Variants in ELAVL2 observed in about 807,000 individuals in gnomAD.
The protein encoded by ELAVL2 is ELAV like RNA binding protein 2, also known as ELAV-like protein 2.
ELAVL2 carries 4 observed loss-of-function variants against 34.6 expected under a neutral mutation model. That is an observed-to-expected ratio of 0.12 (90% CI 0.06 to 0.26). ELAVL2 has a LOEUF of 0.26. Ranked by LOEUF, ELAVL2 falls within the 10% of genes least tolerant of loss-of-function variation. The probability of loss-of-function intolerance (pLI) is 1.00; values close to 1 mark genes in which losing one functional copy is unlikely to be tolerated. For missense variants in ELAVL2, 432 were observed against 442.8 expected (o/e 0.98, Z 0.22); for synonymous variants, 193 against 154.8 (o/e 1.25, Z -1.83).
chr9:23,818,369 T>C (rs2064024645), intron 1 of ELAVL2, among the ~76,000 whole-genome samples: 1 of 152,194 alleles, frequency 6.6e-6, no homozygotes. Context: ...GGTAACCTTG[T>C]CCAAAAATTC....
At chr9:23,703,376 C>T (rs1012279934) in intron 4 of ELAVL2, among the ~76,000 whole-genome samples, 1 of 152,134 alleles carries the variant, frequency 6.6e-6, no homozygotes, top group Non-Finnish European at 1.5e-5. Flanking sequence ...CATTATTAGT[C>T]TATGTGATAA....
At position 23,699,812 on chromosome 9, in the gene ELAVL2, G is replaced by GTTTTTTTTTT. The variant is rs199637833; in HGVS notation, c.713+1557_713+1566dup. On this transcript the variant is annotated intron_variant, in intron 5 of 6. Transcript: ENST00000397312. Reference sequence around the variant, plus strand: ...CCATGGGAAGTCAAAGGTGGCAAAGGTTTTTTTTTTTTTTTTTTTTTTTTT... The same window carrying GTTTTTTTTTT: ...CCATGGGAAGTCAAAGGTGGCAAAGGTTTTTTTTTTTTTTTTTTTTTTTTTTTTTTTTTTT... Among the ~76,000 whole-genome samples the GTTTTTTTTTT allele has an allele frequency of 6.7e-4, 56 of 82,974 alleles. 4 individuals carry two copies. The highest frequency in any genetic ancestry group is 2.2e-3 in the East Asian group (5 of 2,232). The allele number at this position is 82,974 out of a possible 152,430, so 54.4% of individuals were successfully genotyped here.
At chr9:23,814,802 AT>A (rs2063490319) in intron 1 of ELAVL2, among the ~76,000 whole-genome samples, 1 of 152,216 alleles carries the variant, frequency 6.6e-6, no homozygotes, top group Admixed American at 6.5e-5. Flanking sequence ...CAATATCAGT[AT>A]AACAAGAAAT....
At chr9:23,799,328 C>T (rs2061323491) in intron 1 of ELAVL2, among the ~76,000 whole-genome samples, 1 of 152,210 alleles carries the variant, frequency 6.6e-6, no homozygotes, top group Non-Finnish European at 1.5e-5. Flanking sequence ...GCAATCCTAT[C>T]TGTTACCTTG....
intron 2 of ELAVL2, among the ~76,000 whole-genome samples, chr9:23,757,257 TCTGTAAA>T (rs1369328495): frequency 2.6e-5 from 4 of 152,148 alleles, no homozygotes; most frequent in African/African-American, 9.6e-5. Flanking sequence ...TCTGGATAAC[TCTGTAAA>T]AATCACACAT....
At chr9:23,807,256 T>C (rs1048579575) in intron 1 of ELAVL2, among the ~76,000 whole-genome samples, 2 of 152,168 alleles carry the variant, frequency 1.3e-5, no homozygotes, top group Non-Finnish European at 2.9e-5. Flanking sequence ...TTGCCATGCA[T>C]TCACTGTACT....
At chr9:23,789,582 T>A (rs113327215) in intron 1 of ELAVL2, among the ~76,000 whole-genome samples, 1 of 152,306 alleles carries the variant, frequency 6.6e-6, no homozygotes, top group South Asian at 2.1e-4. Flanking sequence ...CAACTTCCTA[T>A]TCAACTTTCA....
chr9:23,729,438 CTTA>C (rs1347915526), intron 3 of ELAVL2, among the ~76,000 whole-genome samples: 2 of 152,074 alleles, frequency 1.3e-5, no homozygotes, highest in African/African-American at 2.4e-5. Flanking sequence ...TTAAAGAACA[CTTA>C]TTGTTACTTA....
chr9:23,797,521 G>A (rs973786780), intron 1 of ELAVL2, among the ~76,000 whole-genome samples: 3 of 152,228 alleles, frequency 2.0e-5, no homozygotes, highest in South Asian at 2.1e-4. Context: ...AGCAGGAGGG[G>A]CATGGGTGGT....
At chr9:23,696,449 T>G (rs2132859522) in intron 5 of ELAVL2, among the ~76,000 whole-genome samples, 1 of 152,300 alleles carries the variant, frequency 6.6e-6, no homozygotes, top group South Asian at 2.1e-4. Flanking sequence ...GTCTGTCCAC[T>G]GCTCAAGGAC....
In ELAVL2 at chr9:23,759,507, T is replaced by A. The variant is rs77103643; in HGVS notation, c.229+2499A>T. ...TATTCCACAGAAGGGTGACTATGGTTAGCAATATTGTATAGTATACTTCCA... is the reference window on the plus strand; with the variant it reads ...TATTCCACAGAAGGGTGACTATGGTAAGCAATATTGTATAGTATACTTCCA... On this transcript the variant is annotated intron_variant, in intron 2 of 6. Coordinates refer to ENST00000397312, the MANE Select transcript of ELAVL2 (RefSeq NM_004432.5). 1.2e-3 allele frequency among the ~76,000 whole-genome samples: 182 copies of A among 151,716 alleles called. 1 individual carries two copies. Among genetic ancestry groups the A allele is most frequent in the Middle Eastern group, 6.8e-3 (2 of 292 alleles).
intron 1 of ELAVL2, chr9:23,821,236 AAC>A (rs1420463742): frequency 1.3e-5 from 2 of 152,370 alleles, no homozygotes; most frequent in Non-Finnish European, 2.9e-5. Flanking sequence ...CCTGCGTCTC[AAC>A]AGTTTCCTTC....
chr9:23,715,574 T>C (rs1026060355), intron 3 of ELAVL2, among the ~76,000 whole-genome samples: 6 of 152,210 alleles, frequency 3.9e-5, no homozygotes, highest in Non-Finnish European at 8.8e-5. Flanking sequence ...AAATCAGATA[T>C]ATTCATTCAA....
chr9:23,741,630 C>T (rs1489098886), intron 2 of ELAVL2, among the ~76,000 whole-genome samples: 2 of 152,094 alleles, frequency 1.3e-5, no homozygotes, highest in African/African-American at 2.4e-5. Context: ...GTCCCCACTG[C>T]AAAATCCTCA....
intron 3 of ELAVL2, among the ~76,000 whole-genome samples, chr9:23,710,042 C>T (rs998736196): frequency 6.6e-6 from 1 of 152,118 alleles, no homozygotes; most frequent in Admixed American, 6.6e-5. Flanking sequence ...GTACTTGCTA[C>T]TACAGGTAAG....
intron 1 of ELAVL2, among the ~76,000 whole-genome samples, chr9:23,787,757 G>A (rs572703141): frequency 3.0e-4 from 46 of 152,174 alleles, no homozygotes; most frequent in African/African-American, 1.1e-3. Context: ...ATTTTTATCA[G>A]CACCCGATTT....
intron 1 of ELAVL2, among the ~76,000 whole-genome samples, chr9:23,795,926 T>C (rs2060864295): frequency 6.6e-6 from 1 of 152,172 alleles, no homozygotes. Flanking sequence ...ACCACCTTCT[T>C]ACAAACCGGG....
At chr9:23,755,318 A>G (rs1403719606) in intron 2 of ELAVL2, among the ~76,000 whole-genome samples, 2 of 152,142 alleles carry the variant, frequency 1.3e-5, no homozygotes, top group African/African-American at 4.8e-5. Context: ...TTTCCACTAA[A>G]CTAATCAAGG....
At position 23,701,601 on chromosome 9, in the gene ELAVL2, A is replaced by T; in HGVS notation, c.491T>A (p.Ile164Lys). ...SRILVDQVTG[I>K]SRGVGFIRFD... ...TCGAATAAACCCTACACCCCTTGAT[A>T]TGCCTATGGTAGATTTGAGTAAAGA... The change falls in exon 5 of 7, where the codon ATA becomes AAA. Residue 164 changes from isoleucine (I) to lysine (K), a missense_variant. By Grantham distance (102) the Ile-to-Lys change is moderately radical (BLOSUM62 -3). Around this residue, in one of 3 missense-constraint regions of ELAVL2, gnomAD observed 295 missense variants for 306.1 expected, o/e 0.96. Coordinates refer to ENST00000397312, the MANE Select transcript of ELAVL2 (RefSeq NM_004432.5). 6.2e-7 allele frequency: 1 copy of T among 1,614,012 alleles called. No individual in the cohort carries two copies. The highest frequency in any genetic ancestry group is 2.2e-5 in the East Asian group (1 of 44,882).
Sources: gnomAD v4.1 joint callset for allele counts (sites outside exome capture counted in the v4.1 genomes callset) on GRCh38, gnomAD v4.1.1 for gene constraint, gnomAD v4.1.1 regional missense constraint, MANE v1.5 for transcripts, NCBI Gene and HGNC (gene_info 2026-07-23, HGNC 2026-07-21) for gene names.